Variants in EPHB1 observed in about 807,000 individuals in gnomAD.
EPHB1 encodes EPH receptor B1, also known as ephrin type-B receptor 1.
Under a neutral mutation model 94.4 loss-of-function variants are expected in EPHB1, and 30 were observed. That is an observed-to-expected ratio of 0.32 (90% CI 0.24 to 0.43). The LOEUF is 0.43. Among genes scored for constraint, EPHB1 ranks in the 20% least tolerant of loss-of-function variants. The pLI is 1.00. For missense variants in EPHB1, 1,055 were observed against 1,308.3 expected (o/e 0.81, Z 2.99); for synonymous variants, 522 against 489.1 (o/e 1.07, Z -0.89).
chr3:135,020,774 AC>A (rs1426349579), intron 3 of EPHB1, among the ~76,000 whole-genome samples: 3 of 152,224 alleles, frequency 2.0e-5, no homozygotes, highest in African/African-American at 7.2e-5. Flanking sequence ...CTTTGTTAAA[AC>A]ATTAAAATAA....
chr3:135,030,564 G>A (rs1936399661), intron 3 of EPHB1, among the ~76,000 whole-genome samples: 1 of 152,230 alleles, frequency 6.6e-6, no homozygotes, highest in Admixed American at 6.5e-5. Flanking sequence ...ACCCACTTGA[G>A]GAGGCAGTCT....
intron 12 of EPHB1, among the ~76,000 whole-genome samples, chr3:135,202,617 T>C (rs1942788095): frequency 6.6e-6 from 1 of 152,170 alleles, no homozygotes; most frequent in African/African-American, 2.4e-5. Context: ...CTATCCTCTT[T>C]AAACCTGCAA....
chr3:135,054,263 C>G (rs1459494031), intron 3 of EPHB1, among the ~76,000 whole-genome samples: 1 of 152,166 alleles, frequency 6.6e-6, no homozygotes, highest in East Asian at 1.9e-4. Context: ...ATTCTGCCAG[C>G]AGACTTCCTT....
At chr3:134,992,717 T>C (rs143162647) in intron 3 of EPHB1, among the ~76,000 whole-genome samples, 15 of 152,252 alleles carry the variant, frequency 9.9e-5, no homozygotes, top group Non-Finnish European at 2.1e-4. Flanking sequence ...GGGAGCCTTG[T>C]TGTCTTGTCT....
chr3:134,915,387 A>T (rs1463836047), intron 1 of EPHB1, among the ~76,000 whole-genome samples: 3 of 146,140 alleles, frequency 2.1e-5, no homozygotes, highest in Non-Finnish European at 3.0e-5. Context: ...AGGTAGGCAG[A>T]TTGGAGTTGG....
intron 3 of EPHB1, among the ~76,000 whole-genome samples, chr3:135,024,250 T>A (rs1207626656): frequency 2.0e-5 from 3 of 152,224 alleles, no homozygotes; most frequent in Non-Finnish European, 4.4e-5. Flanking sequence ...CTGCATACCC[T>A]TTGCCCAACT....
rs560026581 is a variant in EPHB1 at position 135,168,473 on chromosome 3, G to GA, written c.1759+1468dup. Reference sequence around the variant, plus strand: ...TGTTCTCTTTCCTTTCCTATGGCCGGACTGTGTGCCTTGCTGCATAATCTA... The same window carrying GA: ...TGTTCTCTTTCCTTTCCTATGGCCGGAACTGTGTGCCTTGCTGCATAATCTA... On this transcript the variant is annotated intron_variant, in intron 9 of 15. Transcript: ENST00000398015. Among the ~76,000 whole-genome samples, 40 of 152,306 alleles carry GA rather than the reference G, an allele frequency of 2.6e-4. No individual in the cohort carries two copies. The South Asian group carries it at 8.1e-3, about 31-fold the overall frequency.
intron 4 of EPHB1, among the ~76,000 whole-genome samples, chr3:135,124,318 C>T (rs915647470): frequency 4.0e-5 from 6 of 151,726 alleles, no homozygotes; most frequent in African/African-American, 1.5e-4. Flanking sequence ...TCCCCTCCTC[C>T]TTCTCTGTGT....
chr3:135,177,322 C>T (rs900935429), intron 9 of EPHB1, among the ~76,000 whole-genome samples: 3 of 152,204 alleles, frequency 2.0e-5, no homozygotes, highest in African/African-American at 7.2e-5. Flanking sequence ...TTAACGCTGA[C>T]CTGCTGTCCC....
At chr3:135,251,964 T>C (rs1166487779) in intron 15 of EPHB1, among the ~76,000 whole-genome samples, 3 of 152,202 alleles carry the variant, frequency 2.0e-5, no homozygotes, top group African/African-American at 4.8e-5. Flanking sequence ...GCTTACCTAC[T>C]GTGTGACCTT....
intron 5 of EPHB1, among the ~76,000 whole-genome samples, chr3:135,146,842 A>G (rs756790207): frequency 6.6e-6 from 1 of 152,172 alleles, no homozygotes; most frequent in Non-Finnish European, 1.5e-5. Context: ...ATTGATTTGC[A>G]TATGTGAACA....
intron 5 of EPHB1, among the ~76,000 whole-genome samples, chr3:135,149,063 G>A (rs1663130244): frequency 6.6e-6 from 1 of 152,190 alleles, no homozygotes; most frequent in African/African-American, 2.4e-5. Context: ...AAAGGGTGCA[G>A]GGCACCTTTG....
Position 135,193,801 on chromosome 3 carries a change from T to C in EPHB1, c.2130+978T>C, listed in dbSNP as rs371759409. On this transcript the variant is annotated intron_variant, in intron 11 of 15. Transcript: ENST00000398015. ...GTGCCTATAGAGATAAAGGAAACCT[T>C]GCTCTAATGCTACGTAACAAATCAT... is the stretch of plus-strand genomic sequence containing the variant. Among the ~76,000 whole-genome samples, 6 of 152,338 alleles carry C rather than the reference T, an allele frequency of 3.9e-5. No homozygotes were observed. In the South Asian group the frequency reaches 8.3e-4, roughly 21 times the overall value.
chr3:135,246,494 T>C (rs1943927480), intron 13 of EPHB1, among the ~76,000 whole-genome samples: 1 of 152,206 alleles, frequency 6.6e-6, no homozygotes, highest in Admixed American at 6.5e-5. Context: ...GAGATTACTA[T>C]GGCAGCTCAA....
intron 4 of EPHB1, among the ~76,000 whole-genome samples, chr3:135,129,296 T>C (rs570729368): frequency 6.6e-6 from 1 of 152,228 alleles, no homozygotes; most frequent in African/African-American, 2.4e-5. Context: ...AGGGTGGGTC[T>C]TCCCAGCTGT....
chr3:135,124,465 CAATG>C (rs1475808991), intron 4 of EPHB1, among the ~76,000 whole-genome samples: 1 of 151,764 alleles, frequency 6.6e-6, no homozygotes, highest in African/African-American at 2.4e-5. Flanking sequence ...TACCATATAA[CAATG>C]AGTTAAAAAT....
rs368276671 is a variant in EPHB1, at chr3:134,951,947, G to A, written c.700G>A (p.Val234Met). 2.9e-5 allele frequency: 47 copies of A among 1,613,906 alleles called. No individual in the cohort carries two copies. Among genetic ancestry groups the A allele is most frequent in the South Asian group, 5.5e-5 (5 of 91,092 alleles). The stretch of plus-strand genomic sequence containing the variant: ...CATCCCCAACGCAGAGGAAGTGGAC[G>A]TGCCCATCAAACTCTACTGCAACGG... ...TCIPNAEEVD[V>M]PIKLYCNGDG... Residue 234 changes from valine (V) to methionine (M), a missense_variant, in exon 3 of 16, where the codon GTG becomes ATG. Transcript: ENST00000398015. The surrounding 1 kb of genome is among the most constrained non-coding windows in gnomAD (Gnocchi z 4.5).
chr3:135,164,806 C>CAAAAAAAAAA (rs59870139), intron 7 of EPHB1, among the ~76,000 whole-genome samples: 2 of 86,408 alleles, frequency 2.3e-5, no homozygotes, highest in Non-Finnish European at 4.3e-5. Flanking sequence ...AAGACTGTCT[C>CAAAAAAAAAA]AAAAAAAAAA....
intron 3 of EPHB1, among the ~76,000 whole-genome samples, chr3:135,069,150 T>C (rs1302757651): frequency 6.6e-6 from 1 of 151,520 alleles, no homozygotes; most frequent in Non-Finnish European, 1.5e-5. Flanking sequence ...TCACAAATAT[T>C]TATGCTTATG....
Sources: gnomAD v4.1 joint callset for allele counts (sites outside exome capture counted in the v4.1 genomes callset) on GRCh38, gnomAD v4.1.1 for gene constraint, Gnocchi (gnomAD v3.1) non-coding constraint, MANE v1.5 for transcripts, NCBI Gene and HGNC (gene_info 2026-07-23, HGNC 2026-07-21) for gene names.